The following CHSY3 variants were observed in gnomAD, a reference collection of about 807,000 sequenced individuals.
CHSY3 encodes chondroitin sulfate synthase 3, also known as N-acetylgalactosaminyl-proteoglycan 3-beta-glucuronosyltransferase 3.
Under a neutral mutation model 67.2 loss-of-function variants are expected in CHSY3, and 35 were observed. The observed-to-expected ratio is 0.52, with a 90% CI of 0.40 to 0.69. CHSY3 has a LOEUF of 0.69. Among genes scored for constraint, CHSY3 ranks in the 30% least tolerant of loss-of-function variants. The probability of loss-of-function intolerance (pLI) is 0.00; values close to 1 mark genes in which losing one functional copy is unlikely to be tolerated. For missense variants in CHSY3, 1,069 were observed against 1,138.5 expected (o/e 0.94, Z 0.88); for synonymous variants, 474 against 434.7 (o/e 1.09, Z -1.12).
chr5:129,907,304 C>T (rs1002836261), intron 1 of CHSY3, among the ~76,000 whole-genome samples: 1 of 152,056 alleles, frequency 6.6e-6, no homozygotes, highest in Non-Finnish European at 1.5e-5. Context: ...CATTGAGATA[C>T]ACGGGGCAAG....
chr5:130,028,638 A>G (rs750796682), intron 2 of CHSY3, among the ~76,000 whole-genome samples: 20 of 152,096 alleles, frequency 1.3e-4, no homozygotes, highest in Non-Finnish European at 2.8e-4. Context: ...CACATAACTG[A>G]AAAGTATAGG....
chr5:130,138,556 A>G (rs1297214708), intron 2 of CHSY3, among the ~76,000 whole-genome samples: 2 of 152,220 alleles, frequency 1.3e-5, no homozygotes, highest in African/African-American at 2.4e-5. Context: ...GCTGATACTA[A>G]AAGAATGGCA....
At chr5:129,934,148 C>A (rs2149590537) in intron 2 of CHSY3, among the ~76,000 whole-genome samples, 1 of 151,806 alleles carries the variant, frequency 6.6e-6, no homozygotes, top group East Asian at 1.9e-4. Context: ...TGTAAAATTT[C>A]AGACAAAATT....
At chr5:129,972,054 A>T (rs1460074667) in intron 2 of CHSY3, among the ~76,000 whole-genome samples, 1 of 152,078 alleles carries the variant, frequency 6.6e-6, no homozygotes, top group Admixed American at 6.6e-5. Context: ...GCACTAAATC[A>T]TTCTATCAAG....
chr5:130,184,094 C>T (rs1770333771), intron 2 of CHSY3, 135 bp from the exon 3 acceptor site: 1 of 718,352 alleles, frequency 1.4e-6, no homozygotes, highest in Non-Finnish European at 2.0e-6. Flanking sequence ...ATAAATATTA[C>T]AAACCATTTT....
chr5:130,149,292 G>T (rs930692298), intron 2 of CHSY3, among the ~76,000 whole-genome samples: 3 of 152,152 alleles, frequency 2.0e-5, no homozygotes, highest in Admixed American at 6.5e-5. Flanking sequence ...ATAAAGAAAA[G>T]AAATTTAATT....
intron 2 of CHSY3, among the ~76,000 whole-genome samples, chr5:129,961,238 A>G (rs758427704): frequency 9.9e-5 from 15 of 152,104 alleles, no homozygotes; most frequent in East Asian, 1.9e-4. Flanking sequence ...TGCAACATAT[A>G]AAGTCAGTAA....
chr5:129,904,203 G>A (rs1201338876), upstream of CHSY3, among the ~76,000 whole-genome samples: 1 of 151,890 alleles, frequency 6.6e-6, no homozygotes, highest in Non-Finnish European at 1.5e-5. Context: ...AAGAGGGGGC[G>A]TCGGCGCTGC....
chr5:130,092,155 G>A (rs1327367294), intron 2 of CHSY3, among the ~76,000 whole-genome samples: 2 of 152,200 alleles, frequency 1.3e-5, no homozygotes, highest in African/African-American at 4.8e-5. Context: ...GCAGCAGACA[G>A]CTCCAGGAGG....
rs547226683 is a variant in CHSY3, at chr5:130,058,079, A to T, written c.1087-126150A>T. Among the ~76,000 whole-genome samples the T allele has an allele frequency of 2.3e-4, 35 of 152,194 alleles. 1 individual carries two copies. Among genetic ancestry groups the T allele is most frequent in the Non-Finnish European group, 4.1e-4 (28 of 68,014 alleles). ...TGAAATTGTAATGAATCTTCCTTTA[A>T]AATCACTCTTCTTTCCTACCACTGC... On this transcript the variant is annotated intron_variant, in intron 2 of 2. Transcript: ENST00000305031.
intron 2 of CHSY3, among the ~76,000 whole-genome samples, chr5:130,030,319 T>C (rs1020048813): frequency 2.6e-5 from 4 of 152,142 alleles, no homozygotes; most frequent in South Asian, 2.1e-4. Flanking sequence ...CTTCCAGTAA[T>C]GGAGGCAGCA....
chr5:130,100,044 T>G (rs906171690), intron 2 of CHSY3, among the ~76,000 whole-genome samples: 1 of 152,116 alleles, frequency 6.6e-6, no homozygotes, highest in Non-Finnish European at 1.5e-5. Context: ...AAATAGATAC[T>G]GTATTTTGGA....
At position 130,184,411 on chromosome 5, in the gene CHSY3, G is replaced by T. The variant is rs768626694; in HGVS notation, c.1269G>T (p.Gln423His). 6.2e-7 allele frequency: 1 copy of T among 1,613,606 alleles called. No homozygotes were observed. The highest frequency in any genetic ancestry group is 8.5e-7 in the Non-Finnish European group (1 of 1,179,540). Reference protein sequence around the residue: ...KISELRYRTIQLHRESALMSK... With the variant: ...KISELRYRTIHLHRESALMSK... ...CTGAACTTCGCTACCGCACCATCCA[G>T]CTCCACAGGGAAAGTGCCCTGATGA... is the stretch of plus-strand genomic sequence containing the variant. The change falls in exon 3 of 3, where the codon CAG (glutamine) becomes CAT (histidine). Residue 423 changes from glutamine to histidine, a missense_variant. Coordinates refer to ENST00000305031, the MANE Select transcript of CHSY3 (RefSeq NM_175856.5).
chr5:129,920,063 A>C (rs767638146), intron 2 of CHSY3, among the ~76,000 whole-genome samples: 2 of 152,110 alleles, frequency 1.3e-5, no homozygotes, highest in African/African-American at 4.8e-5. Flanking sequence ...AACTTTTTCT[A>C]TCTAATTGAG....
At position 129,959,542 on chromosome 5, in the gene CHSY3, T is replaced by G. The variant is rs151238939; in HGVS notation, c.1086+51182T>G. ...ATTTGCATGTAAAACTATAAGACGT[T>G]AATTTCAATATCGTTAAATAGGGAG... On this transcript the variant is annotated intron_variant, in intron 2 of 2. Transcript: ENST00000305031. Among the ~76,000 whole-genome samples the G allele has an allele frequency of 3.8e-3, 573 of 152,272 alleles. 4 individuals are homozygous for G. The highest frequency in any genetic ancestry group is 0.013 in the African/African-American group (545 of 41,566).
At chr5:129,912,492 C>T (rs1335936452) in intron 2 of CHSY3, among the ~76,000 whole-genome samples, 1 of 152,124 alleles carries the variant, frequency 6.6e-6, no homozygotes, top group Non-Finnish European at 1.5e-5. Context: ...CAATAAGGCC[C>T]AGGTGGTCTG....
At chr5:130,143,756 ATGTGTG>A (rs1172129222) in intron 2 of CHSY3, among the ~76,000 whole-genome samples, 5 of 101,916 alleles carry the variant, frequency 4.9e-5, no homozygotes, top group African/African-American at 2.4e-4. Flanking sequence ...ATATATATAT[ATGTGTG>A]TGTGTGTATA....
At chr5:130,101,286 T>G (rs1355322520) in intron 2 of CHSY3, among the ~76,000 whole-genome samples, 1 of 152,192 alleles carries the variant, frequency 6.6e-6, no homozygotes, top group Admixed American at 6.5e-5. Flanking sequence ...ATGCTGTCTT[T>G]TACTGTATCA....
At chr5:129,936,033 A>G (rs1761476689) in intron 2 of CHSY3, among the ~76,000 whole-genome samples, 1 of 152,224 alleles carries the variant, frequency 6.6e-6, no homozygotes, top group Non-Finnish European at 1.5e-5. Flanking sequence ...TAAAGTACTG[A>G]TTAAATGGTA....
Sources: allele counts gnomAD v4.1 joint callset (sites outside exome capture counted in the v4.1 genomes callset), GRCh38; gene constraint gnomAD v4.1.1; transcripts MANE v1.5; gene names NCBI Gene and HGNC (gene_info 2026-07-23, HGNC 2026-07-21).